PTPRD: variants seen among roughly 807,000 people sequenced by gnomAD.
The protein encoded by PTPRD is receptor-type tyrosine-protein phosphatase delta.
PTPRD carries 34 observed loss-of-function variants against 214.5 expected under a neutral mutation model. That is an observed-to-expected ratio of 0.16 (90% CI 0.12 to 0.21). The LOEUF (loss-of-function observed/expected upper bound fraction) is 0.21, where lower values mean the gene tolerates loss of function less well. Ranked by LOEUF, PTPRD falls within the 10% of genes least tolerant of loss-of-function variation. The pLI, the probability that PTPRD is intolerant of heterozygous loss-of-function variation, is 1.00. For synonymous variants in PTPRD, 1,128 were observed against 845.7 expected, an observed-to-expected ratio of 1.33 and a Z score of -5.79; for missense variants, 2,545 against 2,398.7, an observed-to-expected ratio of 1.06 and a Z score of -1.27.
intron 9 of PTPRD, among the ~76,000 whole-genome samples, chr9:9,264,489 T>C (rs1460267584): frequency 2.0e-5 from 3 of 151,370 alleles, no homozygotes; most frequent in Non-Finnish European, 1.5e-5. Flanking sequence ...GAGGAGAAAA[T>C]ATTTTTAAAA....
chr9:9,275,199 T>TGTTATATATATATATA (rs1491465404), intron 9 of PTPRD, among the ~76,000 whole-genome samples: 1 of 10,394 alleles, frequency 9.6e-5, no homozygotes, highest in Non-Finnish European at 2.3e-4. Flanking sequence ...TATATATATA[T>TGTTATATATATATATA]TATATATATA....
At chr9:10,304,213 G>T (rs987386300) in intron 3 of PTPRD, among the ~76,000 whole-genome samples, 4 of 152,122 alleles carry the variant, frequency 2.6e-5, no homozygotes, top group South Asian at 4.1e-4. Flanking sequence ...AAATTCAACA[G>T]CCCTTCATGC....
intron 3 of PTPRD, among the ~76,000 whole-genome samples, chr9:10,104,478 T>C (rs2098604179): frequency 6.6e-6 from 1 of 151,856 alleles, no homozygotes; most frequent in South Asian, 2.1e-4. Flanking sequence ...TTTTATCTGG[T>C]ATATGACAAG....
At chr9:9,594,089 C>A (rs2093038220) in intron 7 of PTPRD, among the ~76,000 whole-genome samples, 1 of 151,984 alleles carries the variant, frequency 6.6e-6, no homozygotes, top group African/African-American at 2.4e-5. Context: ...TTGAAAATAT[C>A]AGTTCAGTAT....
At chr9:10,354,809 T>C (rs1477832952) in intron 2 of PTPRD, among the ~76,000 whole-genome samples, 1 of 152,166 alleles carries the variant, frequency 6.6e-6, no homozygotes, top group Admixed American at 6.5e-5. Flanking sequence ...ACAGTTCTAA[T>C]GGAGAGAAGG....
intron 12 of PTPRD, among the ~76,000 whole-genome samples, chr9:8,655,049 A>T (rs1025474400): frequency 7.2e-5 from 11 of 152,206 alleles, no homozygotes; most frequent in African/African-American, 2.7e-4. Flanking sequence ...TGTAAATGTA[A>T]TTGGAATTAG....
At chr9:10,266,271 C>T (rs2475347) in intron 3 of PTPRD, among the ~76,000 whole-genome samples, 21,647 of 151,640 alleles carry the variant, frequency 0.14, 1,599 homozygotes, top group Admixed American at 0.16. Flanking sequence ...ATTAAAATAG[C>T]CCTTGAAAAT....
chr9:9,590,722 A>T (rs573497579), intron 7 of PTPRD, among the ~76,000 whole-genome samples: 34 of 152,116 alleles, frequency 2.2e-4, no homozygotes, highest in Admixed American at 9.8e-4. Flanking sequence ...CAAAATCTGA[A>T]TCTTAGGCAT....
chr9:9,794,918 G>C (rs1239422138), intron 5 of PTPRD, among the ~76,000 whole-genome samples: 1 of 152,194 alleles, frequency 6.6e-6, no homozygotes, highest in Non-Finnish European at 1.5e-5. Flanking sequence ...TAACAGTTTA[G>C]AAGATGCTGC....
intron 4 of PTPRD, among the ~76,000 whole-genome samples, chr9:9,969,411 A>G (rs2094937572): frequency 6.6e-6 from 1 of 152,094 alleles, no homozygotes; most frequent in Non-Finnish European, 1.5e-5. Flanking sequence ...AATCAAGGAG[A>G]TAGAGGGTAC....
intron 2 of PTPRD, among the ~76,000 whole-genome samples, chr9:10,515,009 T>C (rs958318842): frequency 1.3e-5 from 2 of 152,114 alleles, no homozygotes; most frequent in Middle Eastern, 3.4e-3. Flanking sequence ...AAAAGAGAGA[T>C]TGTTAGTACT....
intron 2 of PTPRD, among the ~76,000 whole-genome samples, chr9:10,551,973 G>T (rs571340419): frequency 1.7e-4 from 26 of 152,122 alleles, no homozygotes; most frequent in Admixed American, 3.9e-4. Flanking sequence ...TACTTTGCAT[G>T]CATGTTTTCA....
intron 10 of PTPRD, among the ~76,000 whole-genome samples, chr9:9,041,109 T>C (rs1477243077): frequency 6.6e-6 from 1 of 152,206 alleles, no homozygotes; most frequent in African/African-American, 2.4e-5. Flanking sequence ...TTTGCTGATG[T>C]ATTATATTGT....
In PTPRD at chr9:9,978,460, G is replaced by C. The variant is rs1306276534; in HGVS notation, c.-471-39850C>G. On this transcript the variant is annotated intron_variant, in intron 4 of 45. Coordinates refer to ENST00000381196, the MANE Select transcript of PTPRD (RefSeq NM_002839.4). ...AGTACTCGGACTTCATCTAGCTAAG[G>C]AAAAAAATAAAATGTATGCTTGTAA... Among the ~76,000 whole-genome samples, 6 of 151,556 alleles carry C rather than the reference G, an allele frequency of 4.0e-5. No individual in the cohort carries two copies. The East Asian group carries it at 1.2e-3, about 29-fold the overall frequency.
At chr9:8,718,395 A>G (rs2098458637) in intron 12 of PTPRD, among the ~76,000 whole-genome samples, 2 of 152,188 alleles carry the variant, frequency 1.3e-5, no homozygotes, top group African/African-American at 2.4e-5. Flanking sequence ...CCAAATCACA[A>G]CAATTGAAAT....
At chr9:10,554,613 A>C (rs1419247768) in intron 2 of PTPRD, among the ~76,000 whole-genome samples, 1 of 151,656 alleles carries the variant, frequency 6.6e-6, no homozygotes, top group African/African-American at 2.4e-5. Context: ...ATTTTTATAC[A>C]TCCCTAAAGA....
intron 2 of PTPRD, among the ~76,000 whole-genome samples, chr9:10,362,608 G>A (rs958087434): frequency 2.0e-5 from 3 of 152,104 alleles, no homozygotes; most frequent in Non-Finnish European, 2.9e-5. Flanking sequence ...TCAGCCCGGC[G>A]TGGTGGCTCA....
At position 8,529,957 on chromosome 9, in the gene PTPRD, T is replaced by G. The variant is rs997303033; in HGVS notation, c.353-1178A>C. On this transcript the variant is annotated intron_variant, in intron 14 of 45. Transcript: ENST00000381196. ...TGGCATTGATTTAATCAATACCCCC[T>G]CACGGCCACTGATAAATTTTCATAA... Among the ~76,000 whole-genome samples the G allele has an allele frequency of 5.4e-4, 82 of 152,126 alleles. 1 individual carries two copies. Among genetic ancestry groups the G allele is most frequent in the African/African-American group, 1.9e-3 (78 of 41,452 alleles).
intron 9 of PTPRD, among the ~76,000 whole-genome samples, chr9:9,376,944 G>A (rs1183398260): frequency 6.6e-6 from 1 of 151,956 alleles, no homozygotes; most frequent in Non-Finnish European, 1.5e-5. Context: ...CCAAATCTCA[G>A]ATCTATATTC....
Sources: gnomAD v4.1 joint callset for allele counts (sites outside exome capture counted in the v4.1 genomes callset) on GRCh38, gnomAD v4.1.1 for gene constraint, MANE v1.5 for transcripts, NCBI Gene and HGNC (gene_info 2026-07-23, HGNC 2026-07-21) for gene names.